LRP1B: variants seen among roughly 807,000 people sequenced by gnomAD.
LRP1B encodes the protein low-density lipoprotein receptor-related protein 1B.
Under a neutral mutation model 556.6 loss-of-function variants are expected in LRP1B, and 217 were observed. The ratio of observed to expected loss-of-function variants is 0.39; its 90% CI spans 0.35 to 0.44. The LOEUF is 0.44. Among genes scored for constraint, LRP1B ranks in the 20% least tolerant of loss-of-function variants. LRP1B has a pLI of 1.00. For synonymous variants in LRP1B, 2,047 were observed against 1,865.8 expected, an observed-to-expected ratio of 1.10 and a Z score of -2.50; for missense variants, 5,053 against 5,620.8, an observed-to-expected ratio of 0.90 and a Z score of 3.23.
intron 1 of LRP1B, among the ~76,000 whole-genome samples, chr2:142,113,252 T>C (rs1707066412): frequency 6.6e-6 from 1 of 152,078 alleles, no homozygotes; most frequent in Non-Finnish European, 1.5e-5. Flanking sequence ...AAGGATCATT[T>C]CCTAAAATGT....
Position 140,893,544 on chromosome 2 carries a change from C to A in LRP1B, c.3767-7209G>T, listed in dbSNP as rs567061158. 2.0e-5 allele frequency among the ~76,000 whole-genome samples: 3 copies of A among 152,282 alleles called. No homozygotes were observed. In the South Asian group the frequency reaches 6.2e-4, roughly 32 times the overall value. The stretch of plus-strand genomic sequence containing the variant: ...CTCTCACCCTGAGCAAATCAAGTAA[C>A]CTTTCTGGGTCTTCATTTCCGTAGG... On this transcript the variant is annotated intron_variant, in intron 23 of 90. Coordinates refer to ENST00000389484, the MANE Select transcript of LRP1B (RefSeq NM_018557.3).
intron 32 of LRP1B, among the ~76,000 whole-genome samples, chr2:140,791,887 A>C (rs1690133142): frequency 6.6e-6 from 1 of 152,190 alleles, no homozygotes; most frequent in Non-Finnish European, 1.5e-5. Context: ...AGAATCAGCA[A>C]ATGAAGGAAG....
intron 1 of LRP1B, among the ~76,000 whole-genome samples, chr2:141,877,307 C>T (rs949615291): frequency 6.6e-5 from 10 of 151,930 alleles, no homozygotes; most frequent in African/African-American, 2.4e-4. Flanking sequence ...GTTCCCTAGT[C>T]ACTGGGTGCA....
rs56217594 is a variant in LRP1B at position 140,739,362 on chromosome 2, CAAAA to C, written c.5759-22550_5759-22547del. Among the ~76,000 whole-genome samples, 632 of 146,884 alleles carry C rather than the reference CAAAA, an allele frequency of 4.3e-3. 4 individuals carry two copies. Among genetic ancestry groups the C allele is most frequent in the African/African-American group, 0.014 (565 of 39,764 alleles). On this transcript the variant is annotated intron_variant, in intron 35 of 90. Transcript: ENST00000389484. ...GAAGAATATGAACCCTGCAAAGAGT[CAAAA>C]AAAAAAAAAATGACAGAATAGGTAC...
chr2:140,508,125 T>C (rs1382200387), intron 52 of LRP1B, among the ~76,000 whole-genome samples: 1 of 152,176 alleles, frequency 6.6e-6, no homozygotes, highest in African/African-American at 2.4e-5. Flanking sequence ...ATAATTGATA[T>C]GTAATGGGTA....
intron 35 of LRP1B, among the ~76,000 whole-genome samples, chr2:140,748,799 C>CATGTATATAATATGTATCATAT (rs1559094721): frequency 5.4e-5 from 1 of 18,444 alleles, no homozygotes; most frequent in East Asian, 1.8e-3. Context: ...ATATTATATA[C>CATGTATATAATATGTATCATAT]ATATTATATA....
chr2:140,982,917 C>G (rs192303585), intron 17 of LRP1B, among the ~76,000 whole-genome samples: 7 of 151,426 alleles, frequency 4.6e-5, no homozygotes, highest in Non-Finnish European at 7.4e-5. Context: ...ACTTTTTAAT[C>G]AAGGTATATT....
chr2:141,073,840 A>G (rs1019886145), intron 7 of LRP1B, among the ~76,000 whole-genome samples: 1 of 152,040 alleles, frequency 6.6e-6, no homozygotes, highest in Non-Finnish European at 1.5e-5. Flanking sequence ...TTCAATGTAT[A>G]TCTTGAATCT....
chr2:140,723,319 T>C (rs1687480295), intron 35 of LRP1B, among the ~76,000 whole-genome samples: 2 of 152,320 alleles, frequency 1.3e-5, no homozygotes, highest in Admixed American at 1.3e-4. Context: ...ACTTTAACTT[T>C]GGGAACATCA....
At chr2:140,266,376 T>C (rs1682205208) in intron 86 of LRP1B, among the ~76,000 whole-genome samples, 1 of 152,076 alleles carries the variant, frequency 6.6e-6, no homozygotes, top group Admixed American at 6.6e-5. Context: ...TGTAGGAATC[T>C]ACTCTTCAGT....
intron 2 of LRP1B, among the ~76,000 whole-genome samples, chr2:141,579,961 A>T (rs1479552551): frequency 6.6e-6 from 1 of 151,926 alleles, no homozygotes; most frequent in Non-Finnish European, 1.5e-5. Flanking sequence ...GGGCCTCCCA[A>T]AGTTCTGGGA....
intron 41 of LRP1B, among the ~76,000 whole-genome samples, chr2:140,612,376 A>G (rs1683101731): frequency 6.6e-6 from 1 of 152,124 alleles, no homozygotes. Context: ...TCTTACTAGC[A>G]TTAATTTCTA....
chr2:140,994,760 A>C (rs1311814797), intron 15 of LRP1B, among the ~76,000 whole-genome samples: 1 of 152,066 alleles, frequency 6.6e-6, no homozygotes, highest in East Asian at 1.9e-4. Context: ...AAAATTTTAC[A>C]TACTTTAAAT....
At chr2:141,733,540 G>T (rs1693358038) in intron 2 of LRP1B, among the ~76,000 whole-genome samples, 1 of 152,038 alleles carries the variant, frequency 6.6e-6, no homozygotes, top group South Asian at 2.1e-4. Flanking sequence ...TTATGTACTT[G>T]CTTAAATTCC....
At chr2:140,526,689 G>A (rs1487114408) in intron 47 of LRP1B, among the ~76,000 whole-genome samples, 6 of 93,794 alleles carry the variant, frequency 6.4e-5, no homozygotes, top group African/African-American at 2.5e-4. Flanking sequence ...TATCACCCTA[G>A]CACTGAGCCA....
chr2:141,458,572 A>G (rs1263366761), intron 3 of LRP1B, among the ~76,000 whole-genome samples: 3 of 152,152 alleles, frequency 2.0e-5, no homozygotes, highest in Non-Finnish European at 4.4e-5. Flanking sequence ...TATTTTTTTT[A>G]GGCTGACTCA....
chr2:140,661,597 G>A (rs886729740), intron 41 of LRP1B, among the ~76,000 whole-genome samples: 2 of 151,852 alleles, frequency 1.3e-5, no homozygotes, highest in Admixed American at 6.6e-5. Flanking sequence ...AGCCTGGGCA[G>A]TTGAGGCAGC....
At chr2:141,719,805 GAT>G (rs1390553747) in intron 2 of LRP1B, among the ~76,000 whole-genome samples, 1 of 152,040 alleles carries the variant, frequency 6.6e-6, no homozygotes, top group African/African-American at 2.4e-5. Flanking sequence ...TTATGCAAAG[GAT>G]AACAATTTTC....
intron 7 of LRP1B, among the ~76,000 whole-genome samples, chr2:141,182,350 T>A (rs554706490): frequency 6.6e-6 from 1 of 152,060 alleles, no homozygotes; most frequent in Admixed American, 6.6e-5. Flanking sequence ...AGCCTAGCGA[T>A]GTTGTCATTA....
Sources: gnomAD v4.1 joint callset for allele counts (sites outside exome capture counted in the v4.1 genomes callset) on GRCh38, gnomAD v4.1.1 for gene constraint, MANE v1.5 for transcripts, NCBI Gene and HGNC (gene_info 2026-07-23, HGNC 2026-07-21) for gene names.